GSS: variants seen among roughly 807,000 people sequenced by gnomAD.
GSS encodes GSH synthetase.
GSS carries 34 observed loss-of-function variants against 60.4 expected under a neutral mutation model. The observed-to-expected ratio is 0.56, with a 90% CI of 0.43 to 0.75. GSS has a LOEUF of 0.75. Among genes scored for constraint, GSS ranks in the 30% least tolerant of loss-of-function variants. The probability of loss-of-function intolerance (pLI) is 0.00; values close to 1 mark genes in which losing one functional copy is unlikely to be tolerated. For synonymous variants in GSS, 224 were observed against 239.0 expected (o/e 0.94, Z 0.58); for missense variants, 499 against 595.1 (o/e 0.84, Z 1.68).
At chr20:34,951,072 T>C (rs1051479582) in intron 2 of GSS, among the ~76,000 whole-genome samples, 2 of 152,166 alleles carry the variant, frequency 1.3e-5, no homozygotes, top group Non-Finnish European at 2.9e-5. Flanking sequence ...TATAATGCTA[T>C]TTATGGTCAT....
intron 2 of GSS, among the ~76,000 whole-genome samples, chr20:34,947,233 G>A (rs2081529857): frequency 6.6e-6 from 1 of 151,888 alleles, no homozygotes; most frequent in African/African-American, 2.4e-5. Flanking sequence ...GACTACAGGT[G>A]TGTGCCACCA....
At chr20:34,955,017 T>C (rs2081609629) in intron 1 of GSS, 1 of 152,258 alleles carries the variant, frequency 6.6e-6, no homozygotes. Context: ...GTGACCAGGA[T>C]ATGTTGGCCT....
At chr20:34,945,462 C>T (rs2081513614) in intron 3 of GSS, among the ~76,000 whole-genome samples, 2 of 151,518 alleles carry the variant, frequency 1.3e-5, no homozygotes, top group African/African-American at 4.8e-5. Flanking sequence ...TTCCTCATGC[C>T]CTGAGTGTGG....
At chr20:34,947,181 G>T (rs560136264) in intron 2 of GSS, among the ~76,000 whole-genome samples, 1 of 152,068 alleles carries the variant, frequency 6.6e-6, no homozygotes, top group East Asian at 1.9e-4. Context: ...TCCATCTCCT[G>T]GGTTCAAGCA....
chr20:34,952,197 G>A (rs2025096), intron 1 of GSS: 75,218 of 374,418 alleles, frequency 0.2, 7,926 homozygotes, highest in Middle Eastern at 0.31. Flanking sequence ...CATGTCTCTG[G>A]ACTCCCAGCC....
At chr20:34,935,765 C>A in intron 8 of GSS, 123 bp from the exon 9 acceptor site, 1 of 734,408 alleles carries the variant, frequency 1.4e-6, no homozygotes, top group South Asian at 1.5e-5. Context: ...ACAGTGGGAG[C>A]CTGGTCAGGG....
At chr20:34,955,870 C>T (rs1351367363), upstream of GSS, 1 of 152,390 alleles carries the variant, frequency 6.6e-6, no homozygotes, top group Admixed American at 6.5e-5. Context: ...AGACCCATAC[C>T]TTTGGCGCTG....
chr20:34,953,625 T>C (rs113382007), intron 1 of GSS, among the ~76,000 whole-genome samples: 1 of 150,492 alleles, frequency 6.6e-6, no homozygotes, highest in South Asian at 2.1e-4. Context: ...TCTTTCTTTT[T>C]TTTTTTTTTT....
intron 1 of GSS, chr20:34,952,151 C>A: frequency 4.5e-6 from 2 of 441,092 alleles, no homozygotes; most frequent in Non-Finnish European, 8.5e-6. Context: ...AAATGACTTG[C>A]CCGAGGTGAT....
chr20:34,935,101 GT>G (rs1357642421), intron 9 of GSS, among the ~76,000 whole-genome samples: 2 of 152,224 alleles, frequency 1.3e-5, no homozygotes, highest in Admixed American at 6.5e-5. Flanking sequence ...TCACCGAGTG[GT>G]TGTGAGGGTT....
intron 2 of GSS, among the ~76,000 whole-genome samples, chr20:34,946,460 C>T (rs575310904): frequency 2.0e-5 from 3 of 152,164 alleles, no homozygotes; most frequent in African/African-American, 2.4e-5. Flanking sequence ...TTAACAGAGA[C>T]GGGACCTGAG....
intron 10 of GSS, among the ~76,000 whole-genome samples, 196 bp downstream of exon 10, chr20:34,931,743 T>C (rs1413952236): frequency 6.6e-6 from 1 of 152,226 alleles, no homozygotes. Flanking sequence ...GAGCTTACAA[T>C]GGATTCCAGC....
chr20:34,945,848 C>G, intron 3 of GSS, 105 bp downstream of exon 3: 1 of 1,251,520 alleles, frequency 8.0e-7, no homozygotes, highest in Non-Finnish European at 1.2e-6. Context: ...TACCTTTCCT[C>G]TATCCCACCA....
chr20:34,945,983 T>C lies in GSS; in HGVS notation c.245A>G (p.Asn82Ser). The C allele has an allele frequency of 7.4e-6, 12 of 1,614,192 alleles. No individual in the cohort carries two copies. Among genetic ancestry groups the C allele is most frequent in the Non-Finnish European group, 1.0e-5 (12 of 1,180,020 alleles). The change falls in exon 3 of 13, where the codon AAC becomes AGC. Residue 82 changes from asparagine (N) to serine (S), a missense_variant. Coordinates refer to ENST00000651619, the MANE Select transcript of GSS (RefSeq NM_000178.4). ...FNLLVDAVSQ[N>S]AAFLEQTLSS... ...AAGAGTTTGCTCCAGGAAGGCAGCGTTCTGGCTGACAGCATCCACTAGCAG... is the reference window on the plus strand; with the variant it reads ...AAGAGTTTGCTCCAGGAAGGCAGCGCTCTGGCTGACAGCATCCACTAGCAG...
At chr20:34,941,354 CAAAAA>C (rs11349896) in intron 6 of GSS, among the ~76,000 whole-genome samples, 11 of 118,734 alleles carry the variant, frequency 9.3e-5, no homozygotes, top group Non-Finnish European at 1.6e-4. Flanking sequence ...GACTCTGTCT[CAAAAA>C]AAAAAAAAAA....
At chr20:34,944,840 C>A (rs1048365688) in intron 3 of GSS, among the ~76,000 whole-genome samples, 1 of 152,098 alleles carries the variant, frequency 6.6e-6, no homozygotes, top group Non-Finnish European at 1.5e-5. Context: ...GTGGCGTTTT[C>A]CACTGGTAGA....
chr20:34,944,674 G>C (rs2147131176), intron 3 of GSS, among the ~76,000 whole-genome samples: 1 of 152,268 alleles, frequency 6.6e-6, no homozygotes, highest in South Asian at 2.1e-4. Flanking sequence ...GAGACATCTT[G>C]GGGATGGGAC....
At chr20:34,952,169 A>G in intron 1 of GSS, 1 of 413,974 alleles carries the variant, frequency 2.4e-6, no homozygotes, top group Non-Finnish European at 4.6e-6. Context: ...GATGACTGGT[A>G]TAGCCTGGAC....
intron 9 of GSS, among the ~76,000 whole-genome samples, chr20:34,932,814 A>G (rs1318774884): frequency 1.3e-5 from 2 of 151,560 alleles, no homozygotes; most frequent in Non-Finnish European, 2.9e-5. Context: ...ACATACACAC[A>G]CAAATCCCAA....
Sources: gnomAD v4.1 joint callset for allele counts (sites outside exome capture counted in the v4.1 genomes callset) on GRCh38, gnomAD v4.1.1 for gene constraint, MANE v1.5 for transcripts, NCBI Gene and HGNC (gene_info 2026-07-23, HGNC 2026-07-21) for gene names.